CHST8: variants seen among roughly 807,000 people sequenced by gnomAD.
CHST8 encodes the protein GALNAC-4-ST1.
Under a neutral mutation model 15.0 loss-of-function variants are expected in CHST8, and 10 were observed. The ratio of observed to expected loss-of-function variants is 0.67; its 90% CI spans 0.41 to 1.13. The LOEUF is 1.13. CHST8 is among the 50% of genes most tolerant of loss of function. The pLI, the probability that CHST8 is intolerant of heterozygous loss-of-function variation, is 0.00. For missense variants in CHST8, 634 were observed against 608.2 expected (o/e 1.04, Z -0.45); for synonymous variants, 259 against 256.6 (o/e 1.01, Z -0.09).
At chr19:33,749,912 C>A (rs865775724) in intron 3 of CHST8, among the ~76,000 whole-genome samples, 5 of 152,324 alleles carry the variant, frequency 3.3e-5, no homozygotes, top group Middle Eastern at 3.4e-3. Flanking sequence ...CGTGCAGCAG[C>A]CATTGGCAGG....
At chr19:33,654,849 A>C (rs1972490782) in intron 1 of CHST8, among the ~76,000 whole-genome samples, 1 of 151,894 alleles carries the variant, frequency 6.6e-6, no homozygotes, top group South Asian at 2.1e-4. Flanking sequence ...CCAGGCCCTG[A>C]CCTGTAGGGT....
intron 1 of CHST8, among the ~76,000 whole-genome samples, chr19:33,633,253 T>C (rs1185411836): frequency 6.6e-6 from 1 of 152,230 alleles, no homozygotes; most frequent in Non-Finnish European, 1.5e-5. Flanking sequence ...TCCTTCCTCT[T>C]TGTACAGGAT....
chr19:33,650,518 C>CTTTTTTTTTTTTTTTTTTTTT lies in CHST8; in HGVS notation c.-163-17240_-163-17220dup, dbSNP rs869057036. On this transcript the variant is annotated intron_variant, in intron 1 of 4. Coordinates refer to ENST00000650847, the MANE Select transcript of CHST8 (RefSeq NM_001127895.2). ...TTCTTTTTCTTTTTCTTTTTCTTTT[C>CTTTTTTTTTTTTTTTTTTTTT]TTTTTTTTTTTTTTTTTTTTTTTTT... Among the ~76,000 whole-genome samples, 55 of 36,114 alleles carry CTTTTTTTTTTTTTTTTTTTTT rather than the reference C, an allele frequency of 1.5e-3. 2 individuals are homozygous for CTTTTTTTTTTTTTTTTTTTTT. The highest frequency in any genetic ancestry group is 2.0e-3 in the Non-Finnish European group (41 of 20,902). 23.7% of individuals were successfully genotyped at this position (36,114 alleles called of 152,430 possible). A position where few individuals can be genotyped will look rare whatever the true frequency, so the allele number is the denominator to read the frequency against.
chr19:33,690,609 A>G (rs972112096), intron 3 of CHST8, among the ~76,000 whole-genome samples: 56 of 152,318 alleles, frequency 3.7e-4, no homozygotes, highest in South Asian at 8.3e-4. Context: ...GGTGGCCTCC[A>G]GGAGATGGTG....
intron 2 of CHST8, among the ~76,000 whole-genome samples, chr19:33,682,187 G>GT (rs869056900): frequency 0.054 from 5,112 of 95,186 alleles, 222 homozygotes; most frequent in African/African-American, 0.1. Flanking sequence ...TTTTGTTGTT[G>GT]TTTTTTTTTT....
At position 33,743,030 on chromosome 19, in the gene CHST8, G is replaced by A. The variant is rs374938229; in HGVS notation, c.131-28383G>A. On this transcript the variant is annotated intron_variant, in intron 3 of 4. Coordinates refer to ENST00000650847, the MANE Select transcript of CHST8 (RefSeq NM_001127895.2). ...ATGCTGGTGCTTCCTGAACTCTCTG[G>A]GCTGCAGAGGCATTCTGCCCTCTGC... Among the ~76,000 whole-genome samples, 29 of 152,192 alleles carry A rather than the reference G, an allele frequency of 1.9e-4. No homozygotes were observed. The East Asian group carries it at 2.3e-3, about 12-fold the overall frequency.
intron 1 of CHST8, among the ~76,000 whole-genome samples, chr19:33,623,385 T>A (rs1972011207): frequency 6.6e-6 from 1 of 152,158 alleles, no homozygotes. Context: ...GGAACGCGCG[T>A]CCCGGCCCCT....
intron 1 of CHST8, among the ~76,000 whole-genome samples, chr19:33,646,565 C>T (rs1972358830): frequency 6.6e-6 from 1 of 152,188 alleles, no homozygotes; most frequent in Non-Finnish European, 1.5e-5. Flanking sequence ...GGCTTTAGTC[C>T]CTGAGCAAGG....
intron 1 of CHST8, among the ~76,000 whole-genome samples, chr19:33,651,819 A>G (rs1318881619): frequency 1.3e-5 from 2 of 152,146 alleles, no homozygotes; most frequent in Non-Finnish European, 2.9e-5. Context: ...CCTGGTTAGT[A>G]TATGATCATT....
chr19:33,697,881 G>A (rs768836108), intron 3 of CHST8, among the ~76,000 whole-genome samples: 2 of 152,202 alleles, frequency 1.3e-5, no homozygotes, highest in Non-Finnish European at 2.9e-5. Context: ...AGACACAGCC[G>A]GCCCTGGGCC....
At chr19:33,629,942 G>C (rs1309787150) in intron 1 of CHST8, among the ~76,000 whole-genome samples, 1 of 152,240 alleles carries the variant, frequency 6.6e-6, no homozygotes, top group East Asian at 1.9e-4. Context: ...GACATGCCCA[G>C]ATGCTTATCA....
In CHST8 at chr19:33,772,941, G is replaced by C; in HGVS notation, c.1153G>C (p.Ala385Pro). ...DRHSQEARTT[A>P]RIAHQYFAQL... ...GCACTCGCAGGAGGCGCGGACCACA[G>C]CGAGGATCGCCCACCAGTACTTCGC... The change falls in exon 5 of 5, where the codon GCG becomes CCG. Residue 385 changes from alanine to proline, a missense_variant. Physicochemically the swap from Ala to Pro is conservative, Grantham distance 27 (BLOSUM62 -1). Transcript: ENST00000650847. The C allele has an allele frequency of 6.2e-7, 1 of 1,613,460 alleles. No homozygotes were observed. Among genetic ancestry groups the C allele is most frequent in the Non-Finnish European group, 8.5e-7 (1 of 1,180,030 alleles).
At chr19:33,630,800 C>G (rs1972112791) in intron 1 of CHST8, among the ~76,000 whole-genome samples, 1 of 152,232 alleles carries the variant, frequency 6.6e-6, no homozygotes, top group Non-Finnish European at 1.5e-5. Context: ...GGCAGTCTGT[C>G]TACACTTGGT....
At position 33,771,467 on chromosome 19, in the gene CHST8, A is replaced by T. The variant is rs150528629; in HGVS notation, c.168+17A>T. On this transcript the variant is annotated intron_variant, in intron 4 of 4. Coordinates refer to ENST00000650847, the MANE Select transcript of CHST8 (RefSeq NM_001127895.2). Reference sequence around the variant, plus strand: ...CCCCACCACGTAAGTTCTGAGAGTCAGATAAATCTCAGTGCACACAGCCCT... The same window carrying T: ...CCCCACCACGTAAGTTCTGAGAGTCTGATAAATCTCAGTGCACACAGCCCT... The T allele has an allele frequency of 1.6e-4, 251 of 1,613,708 alleles. 1 individual carries two copies. In the African/African-American group the frequency reaches 2.6e-3, roughly 17 times the overall value.
intron 2 of CHST8, among the ~76,000 whole-genome samples, chr19:33,671,650 C>T (rs901327195): frequency 6.6e-6 from 1 of 152,104 alleles, no homozygotes; most frequent in Non-Finnish European, 1.5e-5. Flanking sequence ...CACATGTTGC[C>T]TTCTCAGTCA....
rs1394432544 is a variant in CHST8, at chr19:33,713,661, G to A, written c.130+24270G>A. On this transcript the variant is annotated intron_variant, in intron 3 of 4. Transcript: ENST00000650847. Reference sequence around the variant, plus strand: ...GCTCACTGCAACCTCCAACTCCCAGGTTCAAGTGCCCCTGTCTACCTCCTA... The same window carrying A: ...GCTCACTGCAACCTCCAACTCCCAGATTCAAGTGCCCCTGTCTACCTCCTA... 2.6e-5 allele frequency among the ~76,000 whole-genome samples: 4 copies of A among 152,088 alleles called. No individual in the cohort carries two copies. The East Asian group carries it at 7.7e-4, about 29-fold the overall frequency.
intron 3 of CHST8, among the ~76,000 whole-genome samples, chr19:33,712,062 CAAT>C (rs1241582762): frequency 1.3e-5 from 2 of 152,138 alleles, no homozygotes; most frequent in African/African-American, 4.8e-5. Context: ...TTAGGGAAGA[CAAT>C]AAGGATAGTA....
rs1353042849 is a variant in CHST8 at position 33,757,442 on chromosome 19, GA to G, written c.131-13968del. On this transcript the variant is annotated intron_variant, in intron 3 of 4. Transcript: ENST00000650847. ...AGAAAGAAAGAAAGAAAGAAAGAAA[GA>G]AAGAAAGAAAGAAAGAAAGAAAGAA... Among the ~76,000 whole-genome samples the G allele has an allele frequency of 5.8e-4, 14 of 24,340 alleles. 1 individual carries two copies. Among genetic ancestry groups the G allele is most frequent in the African/African-American group, 1.8e-3 (12 of 6,752 alleles). 16.0% of individuals were successfully genotyped at this position (24,340 alleles called of 152,430 possible). A position where few individuals can be genotyped will look rare whatever the true frequency, so the allele number is the denominator to read the frequency against.
intron 2 of CHST8, among the ~76,000 whole-genome samples, chr19:33,676,345 G>A (rs768426223): frequency 3.3e-5 from 5 of 152,136 alleles, no homozygotes; most frequent in East Asian, 1.9e-4. Flanking sequence ...TGAGGCAGGC[G>A]GATCGCTTGA....
Sources: gnomAD v4.1 joint callset for allele counts (sites outside exome capture counted in the v4.1 genomes callset) on GRCh38, gnomAD v4.1.1 for gene constraint, MANE v1.5 for transcripts, NCBI Gene and HGNC (gene_info 2026-07-23, HGNC 2026-07-21) for gene names.